ZNF112: variants seen among roughly 807,000 people sequenced by gnomAD.
The protein encoded by ZNF112 is zinc finger protein 112, also known as zinc finger protein 112 (Y14).
In ZNF112, 37 loss-of-function variants were observed where a neutral mutation model predicts 77.7. The ratio of observed to expected loss-of-function variants is 0.48; its 90% CI spans 0.37 to 0.63. ZNF112 has a LOEUF of 0.63. Among genes scored for constraint, ZNF112 ranks in the 20% least tolerant of loss-of-function variants. The pLI is 0.00. For missense variants in ZNF112, 950 were observed against 1,077.4 expected (o/e 0.88, Z 1.66); for synonymous variants, 333 against 363.6 (o/e 0.92, Z 0.96).
At position 44,326,997 on chromosome 19, in the gene ZNF112, T is replaced by C. The variant is rs1970134635; in HGVS notation, c.*436A>G. ...CAGGATTTCTCCTCCAAATACATTT[T>C]AAGTTTTAAAAAATGCGCTTAAAAA... On this transcript the variant is annotated 3_prime_UTR_variant, in exon 4 of 4. Transcript: ENST00000354340. 1 of 155,412 alleles carries C rather than the reference T, an allele frequency of 6.4e-6. No individual in the cohort carries two copies. Among genetic ancestry groups the C allele is most frequent in the South Asian group, 2.0e-4 (1 of 5,006 alleles). The allele number at this position is 155,412 out of a possible 1,614,324, so 9.6% of individuals were successfully genotyped here.
chr19:44,339,378 G>A (rs1044893797), intron 2 of ZNF112, among the ~76,000 whole-genome samples: 3 of 152,212 alleles, frequency 2.0e-5, no homozygotes, highest in African/African-American at 7.2e-5. Flanking sequence ...TTTGAGCCAT[G>A]TGGTATTAGC....
intron 2 of ZNF112, among the ~76,000 whole-genome samples, chr19:44,339,691 C>G (rs1400796925): frequency 6.6e-6 from 1 of 152,130 alleles, no homozygotes; most frequent in Non-Finnish European, 1.5e-5. Flanking sequence ...GTGAAGACAA[C>G]TGCTTTCAGT....
intron 1 of ZNF112, among the ~76,000 whole-genome samples, chr19:44,354,370 TTTTTAAAAACCTG>T (rs1349127765): frequency 6.6e-6 from 1 of 152,162 alleles, no homozygotes. Context: ...GTAAAAACAT[TTTTTAAAAACCTG>T]TTTTAAAAAC....
chr19:44,335,692 T>TG (rs1280900034), intron 3 of ZNF112, among the ~76,000 whole-genome samples: 2 of 152,204 alleles, frequency 1.3e-5, no homozygotes, highest in African/African-American at 4.8e-5. Flanking sequence ...ATTTACTACT[T>TG]GGACCTTTAG....
At chr19:44,330,553 T>C (rs569092250) in intron 3 of ZNF112, among the ~76,000 whole-genome samples, 1 of 152,150 alleles carries the variant, frequency 6.6e-6, no homozygotes, top group Non-Finnish European at 1.5e-5. Flanking sequence ...CTGGCCAACA[T>C]GGTGAAACCC....
In ZNF112 at chr19:44,327,613, G is replaced by C. The variant is rs1970151220; in HGVS notation, c.2544C>G (p.Val848=). The C allele has an allele frequency of 3.1e-6, 5 of 1,613,886 alleles. No individual in the cohort carries two copies. The East Asian group carries it at 1.1e-4, about 36-fold the overall frequency. The change falls in exon 4 of 4, where the codon GTC becomes GTG. Residue 848 remains valine (V), a synonymous_variant. Coordinates refer to ENST00000354340, the MANE Select transcript of ZNF112 (RefSeq NM_013380.4). Reference sequence around the variant, plus strand: ...ATTTGTATGGTTTCTCTCCTGTGTGGACTCTCTGGTGAGCCTGAAGATTTG... The same window carrying C: ...ATTTGTATGGTTTCTCTCCTGTGTGCACTCTCTGGTGAGCCTGAAGATTTG... The part of the protein sequence containing the change: ...QRSNLQAHQR[V]HTGEKPYKCD...
chr19:44,327,336 G>T lies in ZNF112; in HGVS notation c.*97C>A. On this transcript the variant is annotated 3_prime_UTR_variant, in exon 4 of 4. Coordinates refer to ENST00000354340, the MANE Select transcript of ZNF112 (RefSeq NM_013380.4). ...TGGTCTCCTGGCCATTATGAATGTTGAAGTTGGGCAGCAACATTACATTTT... is the reference window on the plus strand; with the variant it reads ...TGGTCTCCTGGCCATTATGAATGTTTAAGTTGGGCAGCAACATTACATTTT... The T allele has an allele frequency of 1.0e-6, 1 of 984,276 alleles. No individual in the cohort carries two copies. The highest frequency in any genetic ancestry group is 1.5e-6 in the Non-Finnish European group (1 of 680,240). 61.0% of individuals were successfully genotyped at this position (984,276 alleles called of 1,614,324 possible). A position where few individuals can be genotyped will look rare whatever the true frequency, so the allele number is the denominator to read the frequency against.
chr19:44,356,687 C>G (rs111389313), upstream of ZNF112: 2,665 of 152,376 alleles, frequency 0.017, 29 homozygotes, highest in Middle Eastern at 0.031. Flanking sequence ...CTCTGCCTAC[C>G]GAGACCTCCT....
chr19:44,330,155 T>C (rs1181353166), intron 3 of ZNF112, among the ~76,000 whole-genome samples: 1 of 152,062 alleles, frequency 6.6e-6, no homozygotes, highest in Non-Finnish European at 1.5e-5. Flanking sequence ...TGCTCCAAAA[T>C]CCAAAACTTT....
intron 1 of ZNF112, among the ~76,000 whole-genome samples, chr19:44,364,318 G>A (rs2123231873): frequency 6.6e-6 from 1 of 152,110 alleles, no homozygotes; most frequent in South Asian, 2.1e-4. Context: ...CTTCTCCATG[G>A]GCTATATTAA....
Position 44,335,040 on chromosome 19 carries a change from A to G in ZNF112, c.220+1583T>C, listed in dbSNP as rs1970340969. Among the ~76,000 whole-genome samples the G allele has an allele frequency of 2.0e-5, 3 of 152,214 alleles. 1 individual carries two copies. Among genetic ancestry groups the G allele is most frequent in the Admixed American group, 2.0e-4 (3 of 15,286 alleles). ...TGCCTGGAAAAGATGCAGGCACTCA[A>G]CGCCAGCTCATGAAAATAGCCAAGT... On this transcript the variant is annotated intron_variant, in intron 3 of 3. Transcript: ENST00000354340.
exon 1 of ZNF112, chr19:44,367,143 C>T (rs749454627): frequency 2.0e-5 from 9 of 456,192 alleles, no homozygotes; most frequent in Non-Finnish European, 3.1e-5. Flanking sequence ...CAAGGAGGGC[C>T]GCCGCCAGGC....
At chr19:44,333,291 A>C (rs1362266928) in intron 3 of ZNF112, among the ~76,000 whole-genome samples, 2 of 152,190 alleles carry the variant, frequency 1.3e-5, no homozygotes, top group East Asian at 3.8e-4. Flanking sequence ...TCTTTAATAA[A>C]AGCTAAGCGA....
At chr19:44,366,176 T>G (rs111270352) in intron 1 of ZNF112, among the ~76,000 whole-genome samples, 9 of 152,286 alleles carry the variant, frequency 5.9e-5, no homozygotes, top group African/African-American at 2.2e-4. Context: ...ACAGTAAGAC[T>G]GCATCTCTAC....
intron 1 of ZNF112, among the ~76,000 whole-genome samples, chr19:44,365,254 G>A (rs1394158816): frequency 1.3e-5 from 2 of 152,014 alleles, no homozygotes; most frequent in Non-Finnish European, 2.9e-5. Flanking sequence ...AGGAGTTCAA[G>A]ACCAGCCCAG....
Position 44,327,246 on chromosome 19 carries a change from T to C in ZNF112, c.*187A>G. 1.8e-6 allele frequency: 1 copy of C among 559,950 alleles called. No individual in the cohort carries two copies. The highest frequency in any genetic ancestry group is 2.6e-5 in the South Asian group (1 of 38,212). 34.7% of individuals were successfully genotyped at this position (559,950 alleles called of 1,614,324 possible). A position where few individuals can be genotyped will look rare whatever the true frequency, so the allele number is the denominator to read the frequency against. ...TTTATAAGCCTTAGCTCCTGTGCAA[T>C]GACTGATGTTAAAGTTCTAACAAAA... On this transcript the variant is annotated 3_prime_UTR_variant, in exon 4 of 4. Coordinates refer to ENST00000354340, the MANE Select transcript of ZNF112 (RefSeq NM_013380.4).
At chr19:44,340,671 C>G (rs1337298049) in intron 1 of ZNF112, 129 bp from the exon 2 acceptor site, 1 of 1,320,546 alleles carries the variant, frequency 7.6e-7, no homozygotes, top group Non-Finnish European at 1.1e-6. Flanking sequence ...TTCTGTTTAC[C>G]TTCTGTAATG....
intron 2 of ZNF112, among the ~76,000 whole-genome samples, chr19:44,339,036 G>C (rs1310751150): frequency 6.6e-6 from 1 of 152,102 alleles, no homozygotes; most frequent in Non-Finnish European, 1.5e-5. Context: ...ACTCCAGCCT[G>C]GGCAACAGAG....
At position 44,329,712 on chromosome 19, in the gene ZNF112, T is replaced by C. The variant is rs2123141915; in HGVS notation, c.445A>G (p.Lys149Glu). ...AGIPVQISEDKNYIFTHIGNG... is the reference protein window; with the variant it reads ...AGIPVQISEDENYIFTHIGNG... Reference sequence around the variant, plus strand: ...CCTATATGAGTGAATATATAGTTCTTATCTTCAGAAATCTGAACTGGTATT... The same window carrying C: ...CCTATATGAGTGAATATATAGTTCTCATCTTCAGAAATCTGAACTGGTATT... The change falls in exon 4 of 4, where the codon AAG becomes GAG. Residue 149 changes from lysine to glutamate, a missense_variant. This residue lies in a region of ZNF112 where 560 missense variants were observed against 557.3 expected (regional missense o/e 1.00). Transcript: ENST00000354340. 6.2e-7 allele frequency: 1 copy of C among 1,614,122 alleles called. No homozygotes were observed. The highest frequency in any genetic ancestry group is 8.5e-7 in the Non-Finnish European group (1 of 1,180,014).
Sources: allele counts gnomAD v4.1 joint callset (sites outside exome capture counted in the v4.1 genomes callset), GRCh38; gene constraint gnomAD v4.1.1; regional missense constraint gnomAD v4.1.1; transcripts MANE v1.5; gene names NCBI Gene and HGNC (gene_info 2026-07-23, HGNC 2026-07-21).